PPP1R18: variants seen among roughly 807,000 people sequenced by gnomAD.
PPP1R18 encodes phostensin.
PPP1R18 carries 31 observed loss-of-function variants against 54.8 expected under a neutral mutation model. The observed-to-expected ratio is 0.57, with a 90% CI of 0.43 to 0.76. The LOEUF (loss-of-function observed/expected upper bound fraction) is 0.76. Among genes scored for constraint, PPP1R18 ranks in the 30% least tolerant of loss-of-function variants. The pLI is 0.00. For synonymous variants in PPP1R18, 310 were observed against 320.2 expected (o/e 0.97, Z 0.34); for missense variants, 685 against 776.1 (o/e 0.88, Z 1.39).
chr6:30,683,693 G>A lies in PPP1R18; in HGVS notation c.1611+715C>T, dbSNP rs1770685617. Among the ~76,000 whole-genome samples, 1 of 152,112 alleles carries A rather than the reference G, an allele frequency of 6.6e-6. No individual in the cohort carries two copies. The highest frequency in any genetic ancestry group is 6.6e-5 in the Admixed American group (1 of 15,262). On this transcript the variant is annotated intron_variant, in intron 1 of 2. Coordinates refer to ENST00000274853, the MANE Select transcript of PPP1R18 (RefSeq NM_133471.4). This position sits in a 1 kb window ranked among gnomAD's most constrained non-coding sequence, Gnocchi z 5.1. ...TTTTCTTGTCCCAAGAGAGAAGGGA[G>A]CACTGTCTGAAGCAGTGGCCCAGCT...
rs1003675447 is a variant in PPP1R18 at position 30,685,525 on chromosome 6, C to T, written c.494G>A (p.Arg165Lys). ...GIGGAQELSL[R>K]PLEARDWRQS... ...CCTCCAGTCCCGAGCCTCCAGAGGC[C>T]TCAGGCTCAACTCTTGGGCTCCCCC... Residue 165 changes from arginine (R) to lysine (K), a missense_variant, in exon 1 of 3, where the codon AGG becomes AAG. By Grantham distance (26) the Arg-to-Lys change is conservative. Transcript: ENST00000274853. The surrounding 1 kb of genome is among the most constrained non-coding windows in gnomAD (Gnocchi z 5.0). 1.9e-6 allele frequency: 3 copies of T among 1,612,952 alleles called. No homozygotes were observed. In the African/African-American group the frequency reaches 4.0e-5, roughly 22 times the overall value.
At chr6:30,680,928 C>CA (rs982447299) in intron 1 of PPP1R18, among the ~76,000 whole-genome samples, 4 of 151,316 alleles carry the variant, frequency 2.6e-5, no homozygotes, top group African/African-American at 7.3e-5. Flanking sequence ...ACTAAAAATA[C>CA]AAAAAAATTA....
At position 30,679,273 on chromosome 6, in the gene PPP1R18, T is replaced by G; in HGVS notation, c.1728A>C (p.Pro576=). The change falls in exon 2 of 3, where the codon CCA becomes CCC. Residue 576 remains proline, a synonymous_variant. Coordinates refer to ENST00000274853, the MANE Select transcript of PPP1R18 (RefSeq NM_133471.4). The part of the protein sequence containing the change: ...EPEVPSAPNP[P]AAQPDDEEDE... ...CCTCTTCGTCGTCGGGTTGGGCTGC[T>G]GGAGGGTTGGGGGCACTGGGGACCT... 2 of 1,562,786 alleles carry G rather than the reference T, an allele frequency of 1.3e-6. No homozygotes were observed. Among genetic ancestry groups the G allele is most frequent in the Non-Finnish European group, 1.7e-6 (2 of 1,154,386 alleles).
intron 1 of PPP1R18, among the ~76,000 whole-genome samples, chr6:30,680,457 T>C (rs1206900896): frequency 6.6e-6 from 1 of 152,150 alleles, no homozygotes; most frequent in Non-Finnish European, 1.5e-5. Context: ...CGTACATCCC[T>C]GAGTCCCCTA....
rs952533964 is a variant in PPP1R18 at position 30,684,782 on chromosome 6, G to A, written c.1237C>T (p.Leu413=). Residue 413 remains leucine (L), a synonymous_variant, in exon 1 of 3, where the codon CTG becomes TTG. Transcript: ENST00000274853. This position sits in a 1 kb window ranked among gnomAD's most constrained non-coding sequence, Gnocchi z 6.0. ...ACTGCTTCCTCTTCCTGCTGTCTCAGGCCTCCAGTCCCAGCGTCCTCTGGT... is the reference window on the plus strand; with the variant it reads ...ACTGCTTCCTCTTCCTGCTGTCTCAAGCCTCCAGTCCCAGCGTCCTCTGGT... ...LPPEDAGTGG[L]RQQEEEAVEL... is the part of the protein sequence containing the mutation. 8.1e-6 allele frequency: 13 copies of A among 1,603,564 alleles called. No homozygotes were observed. Among genetic ancestry groups the A allele is most frequent in the Admixed American group, 3.4e-5 (2 of 58,928 alleles).
At position 30,685,256 on chromosome 6, in the gene PPP1R18, G is replaced by A. The variant is rs1770828022; in HGVS notation, c.763C>T (p.Gln255Ter). 1 of 1,613,028 alleles carries A rather than the reference G, an allele frequency of 6.2e-7. No homozygotes were observed. Among genetic ancestry groups the A allele is most frequent in the Non-Finnish European group, 8.5e-7 (1 of 1,180,028 alleles). ...SRESQEQSLV[Q>*]LEATEWRLRS... ...AGCCTCCACTCTGTTGCCTCCAGTT[G>A]TACCAAACTCTGTTCCTGAGACTCT... is the stretch of plus-strand genomic sequence containing the variant. Residue 255 changes from glutamine to a stop codon, truncating the protein, a stop_gained, in exon 1 of 3, where the codon CAA (glutamine) becomes TAA (stop). Coordinates refer to ENST00000274853, the MANE Select transcript of PPP1R18 (RefSeq NM_133471.4). LOFTEE classifies it high-confidence loss of function. The surrounding 1 kb of genome is among the most constrained non-coding windows in gnomAD (Gnocchi z 5.0).
Position 30,685,341 on chromosome 6 carries a change from C to T in PPP1R18, c.678G>A (p.Gly226=). ...RKEVESRLSP[G]ESAYQKLGLT... ...GGCCCAACTTCTGGTAGGCAGATTCCCCTGGGCTCAGTCTACTTTCCACCT... is the reference window on the plus strand; with the variant it reads ...GGCCCAACTTCTGGTAGGCAGATTCTCCTGGGCTCAGTCTACTTTCCACCT... The change falls in exon 1 of 3, where the codon GGG becomes GGA. Residue 226 remains glycine (G), a synonymous_variant. Coordinates refer to ENST00000274853, the MANE Select transcript of PPP1R18 (RefSeq NM_133471.4). The surrounding 1 kb of genome is among the most constrained non-coding windows in gnomAD (Gnocchi z 5.0). 6.2e-7 allele frequency: 1 copy of T among 1,613,110 alleles called. No homozygotes were observed. Among genetic ancestry groups the T allele is most frequent in the Non-Finnish European group, 8.5e-7 (1 of 1,180,044 alleles).
chr6:30,685,063 A>C lies in PPP1R18; in HGVS notation c.956T>G (p.Val319Gly). 2 of 1,613,120 alleles carry C rather than the reference A, an allele frequency of 1.2e-6. No homozygotes were observed. Among genetic ancestry groups the C allele is most frequent in the Non-Finnish European group, 1.7e-6 (2 of 1,180,008 alleles). Residue 319 changes from valine (V) to glycine (G), a missense_variant, in exon 1 of 3, where the codon GTG becomes GGG. Coordinates refer to ENST00000274853, the MANE Select transcript of PPP1R18 (RefSeq NM_133471.4). This position sits in a 1 kb window ranked among gnomAD's most constrained non-coding sequence, Gnocchi z 5.0. ...CTTCATGCCCCTCTCGCCATCTTCCACAGGCCTCTGCTCTGCTGCCTCCAC... is the reference window on the plus strand; with the variant it reads ...CTTCATGCCCCTCTCGCCATCTTCCCCAGGCCTCTGCTCTGCTGCCTCCAC... ...AGVEAAEQRP[V>G]EDGERGMKPT...
Position 30,677,266 on chromosome 6 carries a change from TG to T in PPP1R18, c.*2del. 1 of 1,604,260 alleles carries T rather than the reference TG, an allele frequency of 6.2e-7. No individual in the cohort carries two copies. The highest frequency in any genetic ancestry group is 8.5e-7 in the Non-Finnish European group (1 of 1,176,292). Reference sequence around the variant, plus strand: ...GGAGGTATATCCCTATGTTGGAAGATGGTCACCGCCGGCAGGACTCATCTGT... The same window carrying T: ...GGAGGTATATCCCTATGTTGGAAGATGTCACCGCCGGCAGGACTCATCTGT... On this transcript the variant is annotated 3_prime_UTR_variant, in exon 3 of 3. Transcript: ENST00000274853.
intron 2 of PPP1R18, 66 bp from the exon 3 acceptor site, chr6:30,677,354 C>T: frequency 7.1e-7 from 1 of 1,406,016 alleles, no homozygotes; most frequent in Non-Finnish European, 9.7e-7. Flanking sequence ...CCACCCTTCC[C>T]CCCCACACAA....
Position 30,685,858 on chromosome 6 carries a change from G to T in PPP1R18, c.161C>A (p.Ser54Tyr). 1 of 1,612,348 alleles carries T rather than the reference G, an allele frequency of 6.2e-7. No individual in the cohort carries two copies. The change falls in exon 1 of 3, where the codon TCC becomes TAC. Residue 54 changes from serine to tyrosine, a missense_variant. Coordinates refer to ENST00000274853, the MANE Select transcript of PPP1R18 (RefSeq NM_133471.4). The surrounding 1 kb of genome is among the most constrained non-coding windows in gnomAD (Gnocchi z 5.0). Reference sequence around the variant, plus strand: ...TAGCACAGGGCTAGGCTCCCCAGGGGACAGCCCAAGCTTGGCCCGGCGGCG... The same window carrying T: ...TAGCACAGGGCTAGGCTCCCCAGGGTACAGCCCAAGCTTGGCCCGGCGGCG... ...LERRRAKLGL[S>Y]PGEPSPVLGT...
Position 30,684,292 on chromosome 6 carries a change from T to A in PPP1R18, c.1611+116A>T. The A allele has an allele frequency of 9.4e-7, 1 of 1,065,696 alleles. No individual in the cohort carries two copies. Among genetic ancestry groups the A allele is most frequent in the Non-Finnish European group, 1.3e-6 (1 of 760,154 alleles). The allele number at this position is 1,065,696 out of a possible 1,614,324, so 66.0% of individuals were successfully genotyped here. ...AGCGAGGAAGGGTGGTGGCAGGAAT[T>A]AACAAGAAAGAATAGAGGAAGACAA... On this transcript the variant is annotated intron_variant, in intron 1 of 2. Coordinates refer to ENST00000274853, the MANE Select transcript of PPP1R18 (RefSeq NM_133471.4). The surrounding 1 kb of genome is among the most constrained non-coding windows in gnomAD (Gnocchi z 6.0).
In PPP1R18 at chr6:30,679,290, TGGGGACCTCAGGCTCC is replaced by T; in HGVS notation, c.1695_1710del (p.Glu566ValfsTer35). 1.3e-6 allele frequency: 2 copies of T among 1,553,144 alleles called. No individual in the cohort carries two copies. The highest frequency in any genetic ancestry group is 8.7e-7 in the Non-Finnish European group (1 of 1,149,096). On this transcript the variant is annotated frameshift_variant, in exon 2 of 3. Transcript: ENST00000274853. LOFTEE classifies it high-confidence loss of function. ...TGGGCTGCTGGAGGGTTGGGGGCAC[TGGGGACCTCAGGCTCC>T]GGGCCCAGCTCCTCCAGTACCGAAC...
chr6:30,681,084 CA>C (rs536726905), intron 1 of PPP1R18, among the ~76,000 whole-genome samples: 11,029 of 76,472 alleles, frequency 0.14, 609 homozygotes, highest in African/African-American at 0.23. Flanking sequence ...GACTCTGTCT[CA>C]AAAAAAAAAA....
chr6:30,684,820 G>A lies in PPP1R18; in HGVS notation c.1199C>T (p.Pro400Leu), dbSNP rs1470326780. Reference sequence around the variant, plus strand: ...AGCGTCCTCTGGTGGGAGGGGGGAGGGCACAGAGCAGCAGTTCTGCAGGGC... The same window carrying A: ...AGCGTCCTCTGGTGGGAGGGGGGAGAGCACAGAGCAGCAGTTCTGCAGGGC... ...LRALQNCCSVPSPLPPEDAGT... is the reference protein window; with the variant it reads ...LRALQNCCSVLSPLPPEDAGT... Residue 400 changes from proline to leucine, a missense_variant, in exon 1 of 3, where the codon CCC becomes CTC. Coordinates refer to ENST00000274853, the MANE Select transcript of PPP1R18 (RefSeq NM_133471.4). The surrounding 1 kb of genome is among the most constrained non-coding windows in gnomAD (Gnocchi z 6.0). 6.2e-7 allele frequency: 1 copy of A among 1,612,228 alleles called. No individual in the cohort carries two copies. The highest frequency in any genetic ancestry group is 1.3e-5 in the African/African-American group (1 of 74,966).
Position 30,685,892 on chromosome 6 carries a change from G to T in PPP1R18, c.127C>A (p.Leu43Ile). 6.2e-7 allele frequency: 1 copy of T among 1,610,884 alleles called. No individual in the cohort carries two copies. Residue 43 changes from leucine (L) to isoleucine (I), a missense_variant, in exon 1 of 3, where the codon CTC (leucine) becomes ATC (isoleucine). By Grantham distance (5) the Leu-to-Ile change is conservative. Coordinates refer to ENST00000274853, the MANE Select transcript of PPP1R18 (RefSeq NM_133471.4). This position sits in a 1 kb window ranked among gnomAD's most constrained non-coding sequence, Gnocchi z 5.0. ...LSQMPAWKRG[L>I]LERRRAKLGL... ...AGCTTGGCCCGGCGGCGCTCCAGGA[G>T]CCCTCGTTTCCAGGCTGGCATCTGG...
rs1221593134 is a variant in PPP1R18, at chr6:30,683,865, A to G, written c.1611+543T>C. On this transcript the variant is annotated intron_variant, in intron 1 of 2. Transcript: ENST00000274853. The surrounding 1 kb of genome is among the most constrained non-coding windows in gnomAD (Gnocchi z 5.1). ...CTCCCCTCCATCCTAGGATGTCCCT[A>G]TTCAGCTCTGCCCTCCTTCCCACGG... 6.6e-6 allele frequency among the ~76,000 whole-genome samples: 1 copy of G among 151,764 alleles called. No homozygotes were observed. Among genetic ancestry groups the G allele is most frequent in the South Asian group, 2.1e-4 (1 of 4,804 alleles).
Position 30,679,160 on chromosome 6 carries a change from C to A in PPP1R18, c.1822+19G>T. 1.9e-6 allele frequency: 3 copies of A among 1,592,954 alleles called. No homozygotes were observed. The highest frequency in any genetic ancestry group is 2.6e-6 in the Non-Finnish European group (3 of 1,175,414). On this transcript the variant is annotated intron_variant, in intron 2 of 2. Transcript: ENST00000274853. ...CTGACAGCAGGGGGCGCCCTCGGGC[C>A]GGCGGAGCCTCCGCTTACCCACAAT...
upstream of PPP1R18, chr6:30,688,303 G>A (rs1771159749): frequency 3.4e-6 from 1 of 291,458 alleles, no homozygotes; most frequent in Non-Finnish European, 6.5e-6. This position sits in a 1 kb window ranked among gnomAD's most constrained non-coding sequence, Gnocchi z 5.9. Flanking sequence ...CGGTGCAGAA[G>A]GGGACCCCTG....
Sources: gnomAD v4.1 joint callset for allele counts (sites outside exome capture counted in the v4.1 genomes callset) on GRCh38, gnomAD v4.1.1 for gene constraint, Gnocchi (gnomAD v3.1) non-coding constraint, MANE v1.5 for transcripts, NCBI Gene and HGNC (gene_info 2026-07-23, HGNC 2026-07-21) for gene names.